The following TRIM14 variants were observed in gnomAD, a reference collection of about 807,000 sequenced individuals.
TRIM14 encodes tripartite motif containing 14.
Under a neutral mutation model 44.5 loss-of-function variants are expected in TRIM14, and 28 were observed. That is an observed-to-expected ratio of 0.63 (90% confidence interval 0.47 to 0.86). The LOEUF is 0.86. Among genes scored for constraint, TRIM14 ranks in the 40% least tolerant of loss-of-function variants. The pLI, the probability that TRIM14 is intolerant of heterozygous loss-of-function variation, is 0.00. For synonymous variants in TRIM14, 299 were observed against 269.2 expected, an observed-to-expected ratio of 1.11 and a Z score of -1.08; for missense variants, 607 against 611.1, an observed-to-expected ratio of 0.99 and a Z score of 0.07.
the TRIM14 span, among the ~76,000 whole-genome samples, chr9:98,046,379 T>C: frequency 4.4e-4 from 67 of 152,156 alleles, no homozygotes; most frequent in Non-Finnish European, 8.2e-4. Flanking sequence ...CATTTGAAAA[T>C]GAGGGCTCCC....
chr9:98,068,290 A>G (rs760755944), downstream of TRIM14, among the ~76,000 whole-genome samples: 129 of 151,740 alleles, frequency 8.5e-4, no homozygotes, highest in Non-Finnish European at 1.6e-3. Context: ...GCACACCACC[A>G]TGCCCAGCTA....
chr9:98,057,605 CT>C, the TRIM14 span, among the ~76,000 whole-genome samples: 153 of 152,240 alleles, frequency 1.0e-3, no homozygotes, highest in Non-Finnish European at 1.6e-3. Flanking sequence ...AAATGAGATT[CT>C]CAGATAGAGC....
intron 3 of TRIM14, among the ~76,000 whole-genome samples, chr9:98,097,708 G>T (rs1457181461): frequency 6.6e-6 from 1 of 152,070 alleles, no homozygotes; most frequent in South Asian, 2.1e-4. Flanking sequence ...AGGTGGGAAC[G>T]GTGAATGATT....
intron 6 of TRIM14, chr9:98,077,007 A>G (rs1453413824): frequency 6.2e-7 from 1 of 1,606,520 alleles, no homozygotes; most frequent in Non-Finnish European, 8.5e-7. Context: ...TGGAAAAGAC[A>G]GCCAAAAAAG....
the TRIM14 span, among the ~76,000 whole-genome samples, chr9:98,040,367 T>C: frequency 6.6e-6 from 1 of 152,084 alleles, no homozygotes; most frequent in Admixed American, 6.6e-5. Context: ...GCCACTGGTG[T>C]CTTCTCGTTC....
chr9:98,036,267 G>A, the TRIM14 span, among the ~76,000 whole-genome samples: 13 of 150,334 alleles, frequency 8.6e-5, no homozygotes, highest in Non-Finnish European at 1.0e-4. Flanking sequence ...TTGGGAGGCC[G>A]AGGCAGGCAG....
chr9:98,060,655 A>T, the TRIM14 span: 2 of 928,664 alleles, frequency 2.2e-6, no homozygotes, highest in Non-Finnish European at 3.3e-6. Context: ...TGGGTGAAAG[A>T]GCGAAACTCT....
intron 2 of TRIM14, among the ~76,000 whole-genome samples, chr9:98,109,442 A>G (rs1826757121): frequency 6.6e-6 from 1 of 152,246 alleles, no homozygotes; most frequent in Non-Finnish European, 1.5e-5. Context: ...CCACTCAAAC[A>G]TCATTATGAA....
chr9:98,056,614 C>T, the TRIM14 span: 7 of 818,166 alleles, frequency 8.6e-6, no homozygotes, highest in Non-Finnish European at 1.1e-5. Flanking sequence ...CGGGAGGCCC[C>T]GCCCCCGCCC....
At chr9:98,065,932 C>T (rs1271940771), downstream of TRIM14, among the ~76,000 whole-genome samples, 2 of 152,088 alleles carry the variant, frequency 1.3e-5, no homozygotes, top group African/African-American at 4.8e-5. Context: ...TGAGACCTGC[C>T]CAGCCATGTG....
In TRIM14 at chr9:98,088,017, G is replaced by A. The variant is rs1323288259; in HGVS notation, c.794-12C>T. 5 of 1,505,018 alleles carry A rather than the reference G, an allele frequency of 3.3e-6. No homozygotes were observed. The highest frequency in any genetic ancestry group is 1.3e-5 in the South Asian group (1 of 78,664). 93.2% of individuals were successfully genotyped at this position (1,505,018 alleles called of 1,614,324 possible). A position where few individuals can be genotyped will look rare whatever the true frequency, so the allele number is the denominator to read the frequency against. On this transcript the variant is annotated splice_polypyrimidine_tract_variant and intron_variant, in intron 5 of 5. Coordinates refer to ENST00000341469, the MANE Select transcript of TRIM14 (RefSeq NM_014788.4). Reference sequence around the variant, plus strand: ...GGGCGTGCGCGCGTCTGCAGGGGGCGAGACAAGGGACGCACCTGGTGGGCG... The same window carrying A: ...GGGCGTGCGCGCGTCTGCAGGGGGCAAGACAAGGGACGCACCTGGTGGGCG...
Position 98,085,561 on chromosome 9 carries a change from G to A in TRIM14, c.*1909C>T, listed in dbSNP as rs751117432. 6 of 152,238 alleles carry A rather than the reference G, an allele frequency of 3.9e-5. No individual in the cohort carries two copies. Among genetic ancestry groups the A allele is most frequent in the Non-Finnish European group, 7.3e-5 (5 of 68,066 alleles). The allele number at this position is 152,238 out of a possible 1,614,324, so 9.4% of individuals were successfully genotyped here. On this transcript the variant is annotated 3_prime_UTR_variant, in exon 6 of 6. Coordinates refer to ENST00000341469, the MANE Select transcript of TRIM14 (RefSeq NM_014788.4). Reference sequence around the variant, plus strand: ...GGATGGGCAGAAATGTTGGGGTCAAGTGTATTCATCTTCCCTCTGTCAGGA... The same window carrying A: ...GGATGGGCAGAAATGTTGGGGTCAAATGTATTCATCTTCCCTCTGTCAGGA...
chr9:98,066,704 G>A (rs1334354271), downstream of TRIM14, among the ~76,000 whole-genome samples: 1 of 150,952 alleles, frequency 6.6e-6, no homozygotes, highest in African/African-American at 2.4e-5. Flanking sequence ...AGGCTGGAGT[G>A]CAGTGGTAGG....
the TRIM14 span, among the ~76,000 whole-genome samples, chr9:98,056,100 T>C: frequency 6.6e-6 from 1 of 152,104 alleles, no homozygotes; most frequent in Admixed American, 6.5e-5. Context: ...CATCTCTGCT[T>C]TGGCTTTCTG....
chr9:98,111,484 G>A, intron 1 of TRIM14, among the ~76,000 whole-genome samples: 1 of 152,148 alleles, frequency 6.6e-6, no homozygotes, highest in Admixed American at 6.5e-5. Flanking sequence ...CCAGCTGCTT[G>A]GGAGGATGAC....
intron 1 of TRIM14, chr9:98,110,186 G>A (rs1163171536): frequency 7.1e-6 from 4 of 565,772 alleles, no homozygotes; most frequent in Admixed American, 6.4e-5. Context: ...GTCCACATCA[G>A]GTATGCCTCT....
chr9:98,049,827 GC>G, the TRIM14 span, among the ~76,000 whole-genome samples: 1 of 152,060 alleles, frequency 6.6e-6, no homozygotes, highest in East Asian at 1.9e-4. Flanking sequence ...ATTTTATCTA[GC>G]CCCCATTCAA....
intron 6 of TRIM14, among the ~76,000 whole-genome samples, chr9:98,077,662 A>G (rs1246669570): frequency 6.6e-6 from 1 of 152,190 alleles, no homozygotes; most frequent in Non-Finnish European, 1.5e-5. Flanking sequence ...GTGGGACATG[A>G]TCGTGTAAAG....
At chr9:98,078,440 A>C (rs1829692443) in intron 6 of TRIM14, 1 of 1,445,604 alleles carries the variant, frequency 6.9e-7, no homozygotes, top group Non-Finnish European at 9.4e-7. Context: ...AACATGGCAT[A>C]CTTTATAATT....
Sources: gnomAD v4.1 joint callset for allele counts (sites outside exome capture counted in the v4.1 genomes callset) on GRCh38, gnomAD v4.1.1 for gene constraint, MANE v1.5 for transcripts, NCBI Gene and HGNC (gene_info 2026-07-23, HGNC 2026-07-21) for gene names.